The following KDM4C variants were observed in gnomAD, a reference collection of about 807,000 sequenced individuals.
The protein encoded by KDM4C is lysine demethylase 4C.
A neutral mutation model predicts 129.3 loss-of-function variants in KDM4C; 81 were observed. The ratio of observed to expected loss-of-function variants is 0.63; its 90% CI spans 0.52 to 0.75. The LOEUF (loss-of-function observed/expected upper bound fraction) is 0.75. KDM4C is among the 30% of genes least tolerant of loss of function. The pLI, the probability that KDM4C is intolerant of heterozygous loss-of-function variation, is 0.00. For missense variants in KDM4C, 1,457 were observed against 1,304.0 expected, an observed-to-expected ratio of 1.12 and a Z score of -1.81; for synonymous variants, 573 against 456.1, an observed-to-expected ratio of 1.26 and a Z score of -3.26.
Position 7,161,436 on chromosome 9 carries a change from G to A in KDM4C, c.2782-3802G>A, listed in dbSNP as rs1050220347. Among the ~76,000 whole-genome samples the A allele has an allele frequency of 5.3e-5, 8 of 152,266 alleles. No individual in the cohort carries two copies. In the East Asian group the frequency reaches 9.6e-4, roughly 18 times the overall value. ...TCAATCACGCTGAGAGCTGCAGACG[G>A]GAGCTGTTCCTATTTGGCCATCTTC... On this transcript the variant is annotated intron_variant, in intron 19 of 21. Transcript: ENST00000381309.
At chr9:6,759,937 T>G (rs1282878629) in intron 1 of KDM4C, among the ~76,000 whole-genome samples, 1 of 135,414 alleles carries the variant, frequency 7.4e-6, no homozygotes, top group African/African-American at 2.8e-5. Context: ...TGAGACTCCA[T>G]CTCAAAAAAA....
intron 15 of KDM4C, among the ~76,000 whole-genome samples, chr9:7,024,856 G>T (rs566507564): frequency 6.6e-6 from 1 of 152,060 alleles, no homozygotes; most frequent in Non-Finnish European, 1.5e-5. Context: ...TCCAGTAATG[G>T]GATGGCTGGG....
At chr9:6,870,568 G>C (rs757994809) in intron 5 of KDM4C, among the ~76,000 whole-genome samples, 4 of 152,020 alleles carry the variant, frequency 2.6e-5, no homozygotes, top group Non-Finnish European at 5.9e-5. Context: ...TGATGGCTGT[G>C]ATGAGCTGTA....
intron 19 of KDM4C, among the ~76,000 whole-genome samples, chr9:7,163,551 C>G (rs1007931574): frequency 4.6e-5 from 7 of 152,176 alleles, no homozygotes; most frequent in African/African-American, 1.7e-4. Context: ...ATGCCACCTC[C>G]TGCCGCCACA....
intron 17 of KDM4C, among the ~76,000 whole-genome samples, chr9:7,086,311 TG>T (rs1835109254): frequency 6.6e-6 from 1 of 152,232 alleles, no homozygotes; most frequent in African/African-American, 2.4e-5. Context: ...ACAGCATTTT[TG>T]TGTGTCCCCT....
chr9:7,130,925 A>AT (rs111274021), intron 19 of KDM4C, among the ~76,000 whole-genome samples: 40,199 of 142,480 alleles, frequency 0.28, 5,841 homozygotes, highest in East Asian at 0.45. Context: ...TGCCTGGCTA[A>AT]TTTTTTTTTT....
chr9:7,007,592 G>A (rs1269595336), intron 12 of KDM4C, among the ~76,000 whole-genome samples: 1 of 152,158 alleles, frequency 6.6e-6, no homozygotes, highest in African/African-American at 2.4e-5. Context: ...TTTAAGACCT[G>A]TATTGTTTAG....
At chr9:6,850,528 C>T (rs560661556) in intron 5 of KDM4C, among the ~76,000 whole-genome samples, 2 of 152,048 alleles carry the variant, frequency 1.3e-5, no homozygotes, top group African/African-American at 2.4e-5. Context: ...TCACTGCAAC[C>T]TCCGCTTCCT....
chr9:6,993,756 T>G (rs956774356), intron 12 of KDM4C, among the ~76,000 whole-genome samples: 4 of 152,130 alleles, frequency 2.6e-5, no homozygotes, highest in African/African-American at 9.7e-5. Flanking sequence ...TCTGCGGCAG[T>G]ATTTCTTTCT....
chr9:7,174,026 AAGG>A (rs1845212905), intron 21 of KDM4C, among the ~76,000 whole-genome samples: 1 of 152,214 alleles, frequency 6.6e-6, no homozygotes, highest in South Asian at 2.1e-4. Flanking sequence ...GCAGCCAGAG[AAGG>A]AGAAGCAGGA....
intron 5 of KDM4C, among the ~76,000 whole-genome samples, chr9:6,857,510 G>A (rs1840077788): frequency 6.6e-6 from 1 of 152,108 alleles, no homozygotes; most frequent in African/African-American, 2.4e-5. Flanking sequence ...ATTGATCTCT[G>A]TGGACCACTG....
At chr9:6,937,510 A>G (rs1164654258) in intron 8 of KDM4C, among the ~76,000 whole-genome samples, 1 of 152,130 alleles carries the variant, frequency 6.6e-6, no homozygotes, top group Non-Finnish European at 1.5e-5. Flanking sequence ...GTGTTTAAAC[A>G]ACAGTTTTTA....
chr9:7,083,739 G>GTGTGTA (rs1263297235), intron 17 of KDM4C, among the ~76,000 whole-genome samples: 1 of 151,406 alleles, frequency 6.6e-6, no homozygotes, highest in East Asian at 1.9e-4. Context: ...GTGTGTGTGT[G>GTGTGTA]TGTGTGTGTC....
At chr9:6,976,921 T>A (rs1052021695) in intron 8 of KDM4C, among the ~76,000 whole-genome samples, 1 of 152,078 alleles carries the variant, frequency 6.6e-6, no homozygotes, top group Admixed American at 6.5e-5. Context: ...ACAGCATAGG[T>A]CTAGAGATAT....
intron 8 of KDM4C, chr9:6,925,162 C>G: frequency 1.0e-6 from 1 of 985,372 alleles, no homozygotes; most frequent in Non-Finnish European, 1.2e-6. Flanking sequence ...ACTGGAAGTC[C>G]TTATCATCGT....
At chr9:6,897,684 T>C (rs1202328327) in intron 8 of KDM4C, among the ~76,000 whole-genome samples, 1 of 152,082 alleles carries the variant, frequency 6.6e-6, no homozygotes, top group African/African-American at 2.4e-5. Flanking sequence ...AAGAAAAACA[T>C]ATATATTGTC....
At chr9:6,798,956 C>T (rs1217891785) in intron 2 of KDM4C, among the ~76,000 whole-genome samples, 3 of 151,860 alleles carry the variant, frequency 2.0e-5, no homozygotes, top group Admixed American at 6.5e-5. Flanking sequence ...CTCCTCACAT[C>T]CCAGACGATG....
chr9:7,022,258 A>G (rs1210263656), intron 15 of KDM4C, among the ~76,000 whole-genome samples: 1 of 152,142 alleles, frequency 6.6e-6, no homozygotes, highest in Non-Finnish European at 1.5e-5. Context: ...TGGACATTTC[A>G]ACAGTATTGA....
At chr9:7,030,705 A>G (rs535031112) in intron 15 of KDM4C, among the ~76,000 whole-genome samples, 2 of 152,342 alleles carry the variant, frequency 1.3e-5, no homozygotes, top group African/African-American at 4.8e-5. Context: ...TGTATTTTAA[A>G]TTCCATTTTA....
Sources: allele counts gnomAD v4.1 joint callset (sites outside exome capture counted in the v4.1 genomes callset), GRCh38; gene constraint gnomAD v4.1.1; transcripts MANE v1.5; gene names NCBI Gene and HGNC (gene_info 2026-07-23, HGNC 2026-07-21).